Variants in TTC29 observed in about 807,000 individuals in gnomAD.
TTC29 encodes the protein tetratricopeptide repeat protein 29.
In TTC29, 49 loss-of-function variants were observed where a neutral mutation model predicts 58.1. That is an observed-to-expected ratio of 0.84 (90% CI 0.67 to 1.07). The LOEUF (loss-of-function observed/expected upper bound fraction) is 1.07. Among genes scored for constraint, TTC29 ranks in the 50% least tolerant of loss-of-function variants. The pLI, the probability that TTC29 is intolerant of heterozygous loss-of-function variation, is 0.00. For synonymous variants in TTC29, 209 were observed against 196.8 expected, an observed-to-expected ratio of 1.06 and a Z score of -0.52; for missense variants, 582 against 555.6, an observed-to-expected ratio of 1.05 and a Z score of -0.48.
intron 8 of TTC29, among the ~76,000 whole-genome samples, chr4:146,844,279 A>T (rs1489734755): frequency 6.6e-6 from 1 of 152,176 alleles, no homozygotes; most frequent in Middle Eastern, 3.2e-3. Flanking sequence ...AAAATTTCAT[A>T]TACAGTTAGA....
At chr4:146,846,193 G>C (rs888893953) in intron 8 of TTC29, among the ~76,000 whole-genome samples, 1 of 152,164 alleles carries the variant, frequency 6.6e-6, no homozygotes, top group African/African-American at 2.4e-5. Context: ...GCCAGTCCTG[G>C]AGATATGAAG....
intron 6 of TTC29, among the ~76,000 whole-genome samples, chr4:146,885,620 T>A (rs963990476): frequency 6.6e-6 from 1 of 152,130 alleles, no homozygotes; most frequent in Admixed American, 6.6e-5. Flanking sequence ...GTAATGTTTT[T>A]AACTATCTTA....
chr4:146,820,595 C>T (rs371060003), intron 9 of TTC29, among the ~76,000 whole-genome samples: 1 of 152,012 alleles, frequency 6.6e-6, no homozygotes, highest in South Asian at 2.1e-4. Flanking sequence ...AATATGTCAA[C>T]ACAAAAAGTC....
intron 2 of TTC29, chr4:146,944,100 T>C (rs1223177819): frequency 6.6e-6 from 1 of 152,228 alleles, no homozygotes; most frequent in Non-Finnish European, 1.5e-5. Flanking sequence ...AAGATACCTC[T>C]TTGGCTGCTA....
chr4:146,856,393 A>T (rs924381621), intron 8 of TTC29, among the ~76,000 whole-genome samples: 1 of 151,832 alleles, frequency 6.6e-6, no homozygotes, highest in African/African-American at 2.4e-5. Context: ...CTTTCATGTT[A>T]AAAAAAATCA....
chr4:146,888,622 A>C (rs551528665), intron 6 of TTC29, among the ~76,000 whole-genome samples: 3 of 152,202 alleles, frequency 2.0e-5, no homozygotes, highest in Non-Finnish European at 4.4e-5. Flanking sequence ...TAGTTTCAAA[A>C]CAATTATCTG....
intron 11 of TTC29, among the ~76,000 whole-genome samples, chr4:146,729,464 T>C (rs1199388035): frequency 6.6e-6 from 1 of 152,180 alleles, no homozygotes; most frequent in Non-Finnish European, 1.5e-5. Context: ...GTTTATCATA[T>C]ATTTTGTCAT....
intron 4 of TTC29, among the ~76,000 whole-genome samples, chr4:146,923,876 C>G (rs1734757636): frequency 6.6e-6 from 1 of 151,676 alleles, no homozygotes; most frequent in Admixed American, 6.6e-5. Context: ...TGCATTTCAA[C>G]TATATTGATA....
intron 11 of TTC29, among the ~76,000 whole-genome samples, chr4:146,726,758 A>T (rs1743813481): frequency 6.6e-6 from 1 of 152,166 alleles, no homozygotes; most frequent in Admixed American, 6.6e-5. Flanking sequence ...TGGAAGAGTA[A>T]CTAAATAGAA....
chr4:146,785,134 A>T (rs1017704393), intron 11 of TTC29, among the ~76,000 whole-genome samples: 1 of 151,536 alleles, frequency 6.6e-6, no homozygotes, highest in African/African-American at 2.4e-5. Flanking sequence ...TGAGCCTTTT[A>T]AAAATATATT....
At chr4:146,744,705 T>G (rs768041348) in intron 11 of TTC29, among the ~76,000 whole-genome samples, 2 of 152,132 alleles carry the variant, frequency 1.3e-5, no homozygotes, top group Non-Finnish European at 2.9e-5. Flanking sequence ...TCTCACCAAC[T>G]ATCAAAGTAT....
chr4:146,926,114 AAACTT>A (rs1001392277), intron 4 of TTC29, among the ~76,000 whole-genome samples: 1 of 152,212 alleles, frequency 6.6e-6, no homozygotes, highest in African/African-American at 2.4e-5. Flanking sequence ...GTTTGAAAGA[AAACTT>A]AACGAGGATA....
chr4:146,934,616 GTGGC>G (rs1359203611), intron 4 of TTC29, among the ~76,000 whole-genome samples: 1 of 152,142 alleles, frequency 6.6e-6, no homozygotes, highest in Non-Finnish European at 1.5e-5. Flanking sequence ...GGTTGAGAGT[GTGGC>G]TGAAGTGCAC....
chr4:146,820,248 G>T lies in TTC29; in HGVS notation c.978C>A (p.Ser326Arg). The T allele has an allele frequency of 6.2e-7, 1 of 1,610,182 alleles. No individual in the cohort carries two copies. Residue 326 changes from serine to arginine, a missense_variant and splice_region_variant, in exon 10 of 13, where the codon AGC becomes AGA. Transcript: ENST00000325106. ...TAATTGCTTCTGTCATCTCTCCTTG[G>T]CTAGAATGAATGAAATAGGAAGTCA... ...GYEAIAKVLQ[S>R]QGEMTEAIKY...
At chr4:146,902,756 T>C (rs17022095) in intron 6 of TTC29, among the ~76,000 whole-genome samples, 9,801 of 152,204 alleles carry the variant, frequency 0.064, 1,079 homozygotes, top group African/African-American at 0.22. Flanking sequence ...TTGCGAGCTT[T>C]AGCTACAATC....
At chr4:146,761,464 T>C (rs901857841) in intron 11 of TTC29, among the ~76,000 whole-genome samples, 1 of 151,946 alleles carries the variant, frequency 6.6e-6, no homozygotes, top group African/African-American at 2.4e-5. Flanking sequence ...TCTTTAGTAA[T>C]TGGTAATTTT....
At chr4:146,847,795 C>T (rs1001293358) in intron 8 of TTC29, among the ~76,000 whole-genome samples, 4 of 152,216 alleles carry the variant, frequency 2.6e-5, no homozygotes, top group Non-Finnish European at 5.9e-5. Flanking sequence ...CCTTTGAATG[C>T]TCGCACTGTG....
At chr4:146,930,118 T>TATATATATATACAC (rs1334021950) in intron 4 of TTC29, among the ~76,000 whole-genome samples, 10 of 128,926 alleles carry the variant, frequency 7.8e-5, no homozygotes, top group Non-Finnish European at 1.5e-4. Context: ...TATATATATA[T>TATATATATATACAC]ACACACATAT....
At chr4:146,726,317 G>A (rs1045450779) in intron 11 of TTC29, among the ~76,000 whole-genome samples, 2 of 152,098 alleles carry the variant, frequency 1.3e-5, no homozygotes, top group African/African-American at 4.8e-5. Flanking sequence ...GGTGGGTGTG[G>A]TGGTGCACGC....
Sources: allele counts gnomAD v4.1 joint callset (sites outside exome capture counted in the v4.1 genomes callset), GRCh38; gene constraint gnomAD v4.1.1; transcripts MANE v1.5; gene names NCBI Gene and HGNC (gene_info 2026-07-23, HGNC 2026-07-21).